Variants in FILIP1 observed in about 807,000 individuals in gnomAD.
The protein encoded by FILIP1 is filamin-A-interacting protein 1.
Under a neutral mutation model 102.1 loss-of-function variants are expected in FILIP1, and 61 were observed. The observed-to-expected ratio is 0.60, with a 90% CI of 0.49 to 0.74. The LOEUF is 0.74. FILIP1 is among the 30% of genes least tolerant of loss of function. The pLI is 0.00. For synonymous variants in FILIP1, 491 were observed against 526.9 expected (o/e 0.93, Z 0.93); for missense variants, 1,314 against 1,441.2 (o/e 0.91, Z 1.43).
intron 2 of FILIP1, chr6:75,384,708 T>G (rs1437565577): frequency 6.6e-6 from 1 of 152,150 alleles, no homozygotes. Flanking sequence ...ATTCCTGTTT[T>G]TTGACCATCT....
chr6:75,292,309 G>C (rs1772563964), exon 7 of FILIP1: 1 of 152,132 alleles, frequency 6.6e-6, no homozygotes, highest in Non-Finnish European at 1.5e-5. Flanking sequence ...AATAAATATA[G>C]TTCTGCATTA....
chr6:75,391,016 A>G (rs1294644742), intron 2 of FILIP1, among the ~76,000 whole-genome samples: 1 of 152,114 alleles, frequency 6.6e-6, no homozygotes, highest in African/African-American at 2.4e-5. Context: ...TGCCATTATT[A>G]TAAAAAATTA....
intron 5 of FILIP1, among the ~76,000 whole-genome samples, chr6:75,310,682 T>G (rs1396630856): frequency 1.3e-5 from 2 of 152,240 alleles, no homozygotes; most frequent in Non-Finnish European, 2.9e-5. Flanking sequence ...AAATATGCTT[T>G]AAGTTACAAT....
intron 1 of FILIP1, among the ~76,000 whole-genome samples, chr6:75,488,554 T>C (rs143382896): frequency 5.3e-5 from 8 of 152,294 alleles, no homozygotes; most frequent in Non-Finnish European, 1.0e-4. Flanking sequence ...TTTCCTTCTT[T>C]TCTTTCTTTA....
At chr6:75,312,071 T>C (rs1352018204) in intron 5 of FILIP1, among the ~76,000 whole-genome samples, 1 of 152,156 alleles carries the variant, frequency 6.6e-6, no homozygotes, top group Non-Finnish European at 1.5e-5. Context: ...AAAAAAAGTA[T>C]CTTAAACATT....
chr6:75,404,894 A>T (rs1776784483), intron 2 of FILIP1, among the ~76,000 whole-genome samples: 1 of 152,032 alleles, frequency 6.6e-6, no homozygotes. Flanking sequence ...TCTTTTCTAC[A>T]TCCTTGACTC....
intron 2 of FILIP1, among the ~76,000 whole-genome samples, chr6:75,410,027 C>T (rs2998380): frequency 0.038 from 5,754 of 152,240 alleles, 370 homozygotes; most frequent in African/African-American, 0.13. Context: ...ACTTGGCCAG[C>T]CTTGTGTTAA....
intron 2 of FILIP1, among the ~76,000 whole-genome samples, chr6:75,393,306 A>G (rs948160620): frequency 6.6e-6 from 1 of 152,196 alleles, no homozygotes; most frequent in Non-Finnish European, 1.5e-5. Context: ...ATATATATTT[A>G]TTAAGTACCT....
chr6:75,312,568 T>C lies in FILIP1; in HGVS notation c.3264A>G (p.Pro1088=), dbSNP rs763913466. ...CGTTTACTGGTCGGACAGTAATAAC[T>C]GGACTGACTCCTTCACCTGAAGTCC... ...SPGTSGEGVS[P]VITVRPVNVT... The change falls in exon 5 of 6, where the codon CCA becomes CCG. Residue 1088 remains proline, a synonymous_variant. Transcript: ENST00000237172. 1.9e-6 allele frequency: 3 copies of C among 1,614,248 alleles called. No individual in the cohort carries two copies. The highest frequency in any genetic ancestry group is 1.1e-5 in the South Asian group (1 of 91,088).
At chr6:75,351,356 G>A (rs1214129579) in intron 4 of FILIP1, among the ~76,000 whole-genome samples, 2 of 151,902 alleles carry the variant, frequency 1.3e-5, no homozygotes, top group Non-Finnish European at 2.9e-5. Context: ...AGCCACATGC[G>A]GCCACCACAG....
chr6:75,311,485 T>G (rs924177817), intron 5 of FILIP1, among the ~76,000 whole-genome samples: 1 of 151,886 alleles, frequency 6.6e-6, no homozygotes, highest in African/African-American at 2.4e-5. Context: ...GCTAGTTTGT[T>G]TGTTTGTTTG....
chr6:75,490,968 G>A (rs1467926435), intron 1 of FILIP1, among the ~76,000 whole-genome samples: 2 of 152,062 alleles, frequency 1.3e-5, no homozygotes, highest in African/African-American at 4.8e-5. Flanking sequence ...CAGCTGAGAA[G>A]CTCCAAAGCC....
chr6:75,362,610 A>T, intron 3 of FILIP1, 134 bp downstream of exon 3: 3 of 707,832 alleles, frequency 4.2e-6, no homozygotes, highest in Admixed American at 2.8e-5. Context: ...TTATTTAATT[A>T]CACTTTAATT....
At chr6:75,321,566 G>A (rs1773657469) in intron 4 of FILIP1, among the ~76,000 whole-genome samples, 1 of 152,128 alleles carries the variant, frequency 6.6e-6, no homozygotes, top group Admixed American at 6.5e-5. Flanking sequence ...AGGCCGAGGC[G>A]GGTGGATCAT....
At chr6:75,455,554 G>A (rs1778801696) in intron 1 of FILIP1, among the ~76,000 whole-genome samples, 1 of 152,018 alleles carries the variant, frequency 6.6e-6, no homozygotes, top group African/African-American at 2.4e-5. Context: ...TAAATTGTGG[G>A]GGGAAAATTT....
chr6:75,355,124 GTC>G (rs1203550958), intron 3 of FILIP1, among the ~76,000 whole-genome samples: 1 of 151,970 alleles, frequency 6.6e-6, no homozygotes, highest in East Asian at 1.9e-4. Context: ...GTGAAACCCT[GTC>G]TCTACTAAAA....
chr6:75,479,695 C>A (rs191705155), intron 1 of FILIP1, among the ~76,000 whole-genome samples: 25 of 151,466 alleles, frequency 1.7e-4, no homozygotes, highest in African/African-American at 5.8e-4. Flanking sequence ...ATGGTGAAAC[C>A]CAATCTCTAC....
chr6:75,350,104 C>T (rs1412745027), intron 4 of FILIP1, among the ~76,000 whole-genome samples: 1 of 152,092 alleles, frequency 6.6e-6, no homozygotes, highest in Non-Finnish European at 1.5e-5. Flanking sequence ...TCAGGTCCTA[C>T]TAGGGATGTT....
chr6:75,471,664 G>C lies in FILIP1; in HGVS notation c.-7+21750C>G, dbSNP rs116381214. On this transcript the variant is annotated intron_variant, in intron 1 of 5. Coordinates refer to ENST00000237172, the MANE Select transcript of FILIP1 (RefSeq NM_015687.5). Reference sequence around the variant, plus strand: ...ATTATTTGTAACAGTGAAAAATTCAGAACAACCTAAATATTCACAAAATCA... The same window carrying C: ...ATTATTTGTAACAGTGAAAAATTCACAACAACCTAAATATTCACAAAATCA... Among the ~76,000 whole-genome samples, 803 of 152,134 alleles carry C rather than the reference G, an allele frequency of 5.3e-3. 4 individuals are homozygous for C. The highest frequency in any genetic ancestry group is 0.019 in the African/African-American group (772 of 41,512).
Sources: gnomAD v4.1 joint callset for allele counts (sites outside exome capture counted in the v4.1 genomes callset) on GRCh38, gnomAD v4.1.1 for gene constraint, MANE v1.5 for transcripts, NCBI Gene and HGNC (gene_info 2026-07-23, HGNC 2026-07-21) for gene names.